Variants in UNC5D observed in about 807,000 individuals in gnomAD.
UNC5D encodes the protein unc-5 netrin receptor D, also known as netrin receptor UNC5D.
Under a neutral mutation model 105.4 loss-of-function variants are expected in UNC5D, and 39 were observed. The ratio of observed to expected loss-of-function variants is 0.37; its 90% CI spans 0.29 to 0.48. UNC5D has a LOEUF of 0.48. UNC5D is among the 20% of genes least tolerant of loss of function. UNC5D has a pLI of 0.98. For synonymous variants in UNC5D, 452 were observed against 450.4 expected (o/e 1.00, Z -0.04); for missense variants, 991 against 1,202.4 (o/e 0.82, Z 2.60).
intron 1 of UNC5D, among the ~76,000 whole-genome samples, chr8:35,533,074 G>C (rs1218326886): frequency 6.6e-6 from 1 of 151,038 alleles, no homozygotes; most frequent in African/African-American, 2.5e-5. Flanking sequence ...ATCCAGCTTT[G>C]TTCCGTTGCT....
intron 1 of UNC5D, among the ~76,000 whole-genome samples, chr8:35,450,395 C>A (rs1808066711): frequency 6.6e-6 from 1 of 151,992 alleles, no homozygotes; most frequent in Non-Finnish European, 1.5e-5. Context: ...TTCTGGGCAC[C>A]CAGAACCTTT....
chr8:35,336,084 A>G (rs755983123), intron 1 of UNC5D, among the ~76,000 whole-genome samples: 4 of 152,018 alleles, frequency 2.6e-5, no homozygotes, highest in Middle Eastern at 3.4e-3. Flanking sequence ...ATTCTAAAAG[A>G]CTCTATTCAC....
intron 1 of UNC5D, among the ~76,000 whole-genome samples, chr8:35,419,057 G>A (rs2128964040): frequency 6.6e-6 from 1 of 152,316 alleles, no homozygotes; most frequent in South Asian, 2.1e-4. Flanking sequence ...TATTAGCAGA[G>A]AAATTCACAG....
intron 8 of UNC5D, among the ~76,000 whole-genome samples, chr8:35,708,098 G>A (rs1241971727): frequency 6.6e-6 from 1 of 152,126 alleles, no homozygotes; most frequent in East Asian, 1.9e-4. Flanking sequence ...CAATTATGAA[G>A]ATAATTGAGA....
chr8:35,342,295 G>A (rs1439985081), intron 1 of UNC5D, among the ~76,000 whole-genome samples: 2 of 152,078 alleles, frequency 1.3e-5, no homozygotes, highest in Admixed American at 1.3e-4. Context: ...TGCCTCCAGT[G>A]CTCATTCCTA....
chr8:35,252,010 C>T (rs1803731822), intron 1 of UNC5D, among the ~76,000 whole-genome samples: 1 of 150,392 alleles, frequency 6.6e-6, no homozygotes, highest in African/African-American at 2.4e-5. Flanking sequence ...TTCCTAACTA[C>T]CAATGGTTCT....
intron 3 of UNC5D, among the ~76,000 whole-genome samples, chr8:35,574,476 G>A (rs533813392): frequency 6.6e-6 from 1 of 152,258 alleles, no homozygotes; most frequent in African/African-American, 2.4e-5. Context: ...CCAAGAAGGA[G>A]TAAAGAAATT....
intron 1 of UNC5D, chr8:35,254,306 C>T (rs368741022): frequency 1.3e-5 from 2 of 152,124 alleles, no homozygotes; most frequent in Non-Finnish European, 2.9e-5. Flanking sequence ...TATATTTGCC[C>T]ATCCATGATC....
At chr8:35,510,854 T>C (rs1410568673) in intron 1 of UNC5D, among the ~76,000 whole-genome samples, 1 of 152,194 alleles carries the variant, frequency 6.6e-6, no homozygotes, top group Non-Finnish European at 1.5e-5. Context: ...TAAATCAATG[T>C]CTGGTATTTA....
chr8:35,669,974 A>G (rs1387514703), intron 4 of UNC5D, among the ~76,000 whole-genome samples: 1 of 152,128 alleles, frequency 6.6e-6, no homozygotes, highest in Admixed American at 6.5e-5. Flanking sequence ...GTGTATGACC[A>G]TGAATGACAT....
At chr8:35,476,049 A>T (rs1810070687) in intron 1 of UNC5D, among the ~76,000 whole-genome samples, 1 of 152,238 alleles carries the variant, frequency 6.6e-6, no homozygotes, top group Admixed American at 6.5e-5. Context: ...ATTGCACACA[A>T]AAAGATCTCA....
chr8:35,459,835 T>C (rs1808762654), intron 1 of UNC5D, among the ~76,000 whole-genome samples: 1 of 152,192 alleles, frequency 6.6e-6, no homozygotes, highest in South Asian at 2.1e-4. Context: ...CGCATATATT[T>C]TTAGCTTGAT....
At chr8:35,756,551 T>TAAAAAAAAAAAA (rs560731427) in intron 13 of UNC5D, among the ~76,000 whole-genome samples, 1 of 122,994 alleles carries the variant, frequency 8.1e-6, no homozygotes. Flanking sequence ...CATGAGTCTT[T>TAAAAAAAAAAAA]AAAAAAAAAA....
intron 4 of UNC5D, among the ~76,000 whole-genome samples, chr8:35,651,462 T>G (rs1179679467): frequency 6.6e-6 from 1 of 152,156 alleles, no homozygotes; most frequent in Non-Finnish European, 1.5e-5. Context: ...TTTGGAAAAT[T>G]GTGGATTCTG....
intron 4 of UNC5D, among the ~76,000 whole-genome samples, chr8:35,665,881 G>A (rs886777067): frequency 2.0e-5 from 3 of 151,020 alleles, no homozygotes; most frequent in Non-Finnish European, 4.4e-5. Flanking sequence ...CCTTTCATAT[G>A]TACATTAATA....
At chr8:35,391,792 CATAA>C (rs1462553323) in intron 1 of UNC5D, among the ~76,000 whole-genome samples, 2 of 152,086 alleles carry the variant, frequency 1.3e-5, no homozygotes, top group Non-Finnish European at 2.9e-5. Flanking sequence ...CAGTTCTTGG[CATAA>C]AAACTTTGGT....
intron 16 of UNC5D, among the ~76,000 whole-genome samples, chr8:35,784,381 T>C (rs1268259478): frequency 6.6e-6 from 1 of 152,104 alleles, no homozygotes; most frequent in Admixed American, 6.6e-5. Flanking sequence ...AAAGATAAAG[T>C]TATTGAGTCT....
chr8:35,600,147 G>A (rs1049653106), intron 4 of UNC5D, among the ~76,000 whole-genome samples: 1 of 152,042 alleles, frequency 6.6e-6, no homozygotes, highest in East Asian at 1.9e-4. Flanking sequence ...ATTTTTTATG[G>A]CTGCATAGTA....
At chr8:35,367,337 A>T (rs1802174772) in intron 1 of UNC5D, among the ~76,000 whole-genome samples, 1 of 152,074 alleles carries the variant, frequency 6.6e-6, no homozygotes, top group African/African-American at 2.4e-5. Flanking sequence ...CTGCCATTAA[A>T]CTTCTATTTT....
Sources: allele counts gnomAD v4.1 joint callset (sites outside exome capture counted in the v4.1 genomes callset), GRCh38; gene constraint gnomAD v4.1.1; transcripts MANE v1.5; gene names NCBI Gene and HGNC (gene_info 2026-07-23, HGNC 2026-07-21).